Variants in EFR3B observed in about 807,000 individuals in gnomAD.
EFR3B encodes the protein protein EFR3 homolog B.
A neutral mutation model predicts 104.7 loss-of-function variants in EFR3B; 64 were observed. That is an observed-to-expected ratio of 0.61 (90% confidence interval 0.50 to 0.75). The LOEUF is 0.75. Ranked by LOEUF, EFR3B falls within the 30% of genes least tolerant of loss-of-function variation. EFR3B has a pLI of 0.00. For synonymous variants in EFR3B, 385 were observed against 417.9 expected, an observed-to-expected ratio of 0.92 and a Z score of 0.96; for missense variants, 750 against 1,078.5, an observed-to-expected ratio of 0.70 and a Z score of 4.27.
chr2:25,102,594 C>T (rs1378424010), intron 3 of EFR3B, among the ~76,000 whole-genome samples: 15 of 152,076 alleles, frequency 9.9e-5, no homozygotes, highest in Middle Eastern at 3.4e-3. Flanking sequence ...GAAAACCGCC[C>T]CCATGATTCA....
In EFR3B at chr2:25,137,260, G is replaced by C; in HGVS notation, c.1561-81G>C. On this transcript the variant is annotated intron_variant, in intron 14 of 22. Coordinates refer to ENST00000403714, the MANE Select transcript of EFR3B (RefSeq NM_014971.2). This position sits in a 1 kb window ranked among gnomAD's most constrained non-coding sequence, Gnocchi z 4.7. ...CACACAGCCATCCTGCCCCCCTTCA[G>C]ATTGGTCTTCCTCCGTGTTCTCCTT... 1 of 1,483,934 alleles carries C rather than the reference G, an allele frequency of 6.7e-7. No individual in the cohort carries two copies. Among genetic ancestry groups the C allele is most frequent in the Non-Finnish European group, 9.1e-7 (1 of 1,098,912 alleles). The allele number at this position is 1,483,934 out of a possible 1,614,324, so 91.9% of individuals were successfully genotyped here.
chr2:25,123,693 C>T (rs1286881759), intron 5 of EFR3B, among the ~76,000 whole-genome samples: 1 of 152,262 alleles, frequency 6.6e-6, no homozygotes, highest in Admixed American at 6.5e-5. Context: ...AGGTATAGGA[C>T]CATGGCCACA....
Position 25,131,286 on chromosome 2 carries a change from C to G in EFR3B, c.850-82C>G. 1 of 1,505,032 alleles carries G rather than the reference C, an allele frequency of 6.6e-7. No individual in the cohort carries two copies. The highest frequency in any genetic ancestry group is 8.9e-7 in the Non-Finnish European group (1 of 1,122,160). The allele number at this position is 1,505,032 out of a possible 1,614,324, so 93.2% of individuals were successfully genotyped here. A position where few individuals can be genotyped will look rare whatever the true frequency, so the allele number is the denominator to read the frequency against. ...GGAACGTCCCTTTAGTTTACCCCCG[C>G]CTTTGGGTGCCAGGAGAGGGCTGCG... is the stretch of plus-strand genomic sequence containing the variant. On this transcript the variant is annotated intron_variant, in intron 8 of 22. Coordinates refer to ENST00000403714, the MANE Select transcript of EFR3B (RefSeq NM_014971.2). This position sits in a 1 kb window ranked among gnomAD's most constrained non-coding sequence, Gnocchi z 7.6.
At chr2:25,069,672 TGTGCAGAA>T in intron 1 of EFR3B, among the ~76,000 whole-genome samples, 1 of 152,220 alleles carries the variant, frequency 6.6e-6, no homozygotes, top group South Asian at 2.1e-4. Context: ...AGGGGCAGTA[TGTGCAGAA>T]ATCTCTAGGG....
At position 25,130,005 on chromosome 2, in the gene EFR3B, G is replaced by C; in HGVS notation, c.666G>C (p.Glu222Asp). 6.4e-7 allele frequency: 1 copy of C among 1,551,752 alleles called. No individual in the cohort carries two copies. Among genetic ancestry groups the C allele is most frequent in the Non-Finnish European group, 8.7e-7 (1 of 1,147,028 alleles). ...SRSPSPLQAP[E>D]KEKESPAELA... ...CTCCCTCACCCCTCCAAGCACCTGA[G>C]AAGGAGAAAGAGAGCCCCGCGGAGC... The change falls in exon 7 of 23, where the codon GAG becomes GAC. Residue 222 changes from glutamate to aspartate, a missense_variant. By Grantham distance (45) the Glu-to-Asp change is conservative. Transcript: ENST00000403714. This position sits in a 1 kb window ranked among gnomAD's most constrained non-coding sequence, Gnocchi z 4.6.
At position 25,052,334 on chromosome 2, in the gene EFR3B, A is replaced by G. The variant is rs188907240; in HGVS notation, c.7+10015A>G. 3.7e-3 allele frequency among the ~76,000 whole-genome samples: 567 copies of G among 152,184 alleles called. 1 individual carries two copies. The highest frequency in any genetic ancestry group is 6.8e-3 in the Middle Eastern group (2 of 294). ...GAACACTGCCCGGTCCTCAAAAACC[A>G]TGTTGAATGAATGCATTCTGAGGCA... On this transcript the variant is annotated intron_variant, in intron 1 of 22. Coordinates refer to ENST00000403714, the MANE Select transcript of EFR3B (RefSeq NM_014971.2).
rs921323137 is a variant in EFR3B, at chr2:25,114,143, C to A, written c.364-7530C>A. Among the ~76,000 whole-genome samples the A allele has an allele frequency of 6.6e-6, 1 of 152,062 alleles. No homozygotes were observed. Among genetic ancestry groups the A allele is most frequent in the Non-Finnish European group, 1.5e-5 (1 of 68,004 alleles). On this transcript the variant is annotated intron_variant, in intron 4 of 22. Transcript: ENST00000403714. This position sits in a 1 kb window ranked among gnomAD's most constrained non-coding sequence, Gnocchi z 4.0. ...AATAGGTGTGGTCCTTTGACCAGGG[C>A]CCCCGGGAAAAACCCCATCAGACCC...
chr2:25,052,052 C>G (rs1190746688), intron 1 of EFR3B, among the ~76,000 whole-genome samples: 1 of 151,566 alleles, frequency 6.6e-6, no homozygotes, highest in Non-Finnish European at 1.5e-5. Context: ...AAAAATTAGC[C>G]GAGCATGGTG....
intron 2 of EFR3B, 30 bp downstream of exon 2, chr2:25,091,431 C>T (rs1215852280): frequency 3.9e-6 from 6 of 1,538,028 alleles, no homozygotes; most frequent in Non-Finnish European, 3.5e-6. Flanking sequence ...GGCATCGTGG[C>T]TCTCATGGTC....
At chr2:25,051,332 C>T (rs1667862846) in intron 1 of EFR3B, among the ~76,000 whole-genome samples, 1 of 152,146 alleles carries the variant, frequency 6.6e-6, no homozygotes, top group Non-Finnish European at 1.5e-5. Context: ...CCAGGCGGGT[C>T]TCGACCTCCT....
chr2:25,122,169 G>A (rs532143393), intron 5 of EFR3B, among the ~76,000 whole-genome samples: 7 of 152,054 alleles, frequency 4.6e-5, no homozygotes, highest in Non-Finnish European at 8.8e-5. Context: ...GTTTTACCAT[G>A]TTGGCCAGGC....
intron 4 of EFR3B, among the ~76,000 whole-genome samples, chr2:25,109,783 G>A (rs1225790570): frequency 6.6e-6 from 1 of 152,142 alleles, no homozygotes; most frequent in Non-Finnish European, 1.5e-5. Context: ...AAATGTTTTG[G>A]TTGCAAAACA....
At chr2:25,142,229 G>A (rs1670689176) in intron 17 of EFR3B, among the ~76,000 whole-genome samples, 1 of 152,026 alleles carries the variant, frequency 6.6e-6, no homozygotes, top group Non-Finnish European at 1.5e-5. Context: ...GATCACTTGA[G>A]GTCAGAAGTT....
chr2:25,052,664 G>A (rs974449614), intron 1 of EFR3B, among the ~76,000 whole-genome samples: 1 of 151,906 alleles, frequency 6.6e-6, no homozygotes, highest in Admixed American at 6.6e-5. Flanking sequence ...CACCATGCCC[G>A]GCTAATGTTT....
intron 4 of EFR3B, among the ~76,000 whole-genome samples, chr2:25,109,979 G>A (rs1227980976): frequency 1.3e-5 from 2 of 152,128 alleles, no homozygotes; most frequent in Non-Finnish European, 2.9e-5. Flanking sequence ...GGTGCAAAGC[G>A]AGTCACCCAG....
At chr2:25,149,781 T>C (rs1470302382) in intron 20 of EFR3B, 39 bp downstream of exon 20, 3 of 1,539,552 alleles carry the variant, frequency 1.9e-6, no homozygotes, top group Non-Finnish European at 2.6e-6. Context: ...GAGGGCAAAA[T>C]GGGGTGGGGT....
intron 1 of EFR3B, among the ~76,000 whole-genome samples, chr2:25,087,842 G>T (rs925950646): frequency 1.2e-4 from 17 of 147,658 alleles, no homozygotes; most frequent in Admixed American, 3.3e-4. Context: ...TTGTGCCCTT[G>T]GTTTTTTATC....
Position 25,155,731 on chromosome 2 carries a change from C to A in EFR3B, c.*1391C>A, listed in dbSNP as rs1671147542. 6.6e-6 allele frequency: 1 copy of A among 152,206 alleles called. No individual in the cohort carries two copies. 9.4% of individuals were successfully genotyped at this position (152,206 alleles called of 1,614,324 possible). The stretch of plus-strand genomic sequence containing the variant: ...CTTTCCTTCTCCGTTAGTCACATTT[C>A]CCATAACTCCTCCGAGCCAACATAA... On this transcript the variant is annotated 3_prime_UTR_variant, in exon 23 of 23. Coordinates refer to ENST00000403714, the MANE Select transcript of EFR3B (RefSeq NM_014971.2).
chr2:25,070,750 G>A (rs1349531101), intron 1 of EFR3B, among the ~76,000 whole-genome samples: 2 of 152,160 alleles, frequency 1.3e-5, no homozygotes, highest in African/African-American at 2.4e-5. Context: ...GGAGAGAGGC[G>A]GGGTGGCAGT....
Sources: gnomAD v4.1 joint callset for allele counts (sites outside exome capture counted in the v4.1 genomes callset) on GRCh38, gnomAD v4.1.1 for gene constraint, Gnocchi (gnomAD v3.1) non-coding constraint, MANE v1.5 for transcripts, NCBI Gene and HGNC (gene_info 2026-07-23, HGNC 2026-07-21) for gene names.